The following NAV3 variants were observed in gnomAD, a reference collection of about 807,000 sequenced individuals.
NAV3 encodes the protein pore membrane and/or filament interacting like protein 1.
A neutral mutation model predicts 244.7 loss-of-function variants in NAV3; 87 were observed. The observed-to-expected ratio is 0.36, with a 90% CI of 0.30 to 0.42. The LOEUF (loss-of-function observed/expected upper bound fraction) is 0.42. Among genes scored for constraint, NAV3 ranks in the 20% least tolerant of loss-of-function variants. The pLI is 1.00. For missense variants in NAV3, 2,663 were observed against 2,893.3 expected, an observed-to-expected ratio of 0.92 and a Z score of 1.83; for synonymous variants, 1,126 against 1,042.2, an observed-to-expected ratio of 1.08 and a Z score of -1.55.
In NAV3 at chr12:78,046,882, C is replaced by T. The variant is rs145278451; in HGVS notation, c.2024-3111C>T. On this transcript the variant is annotated intron_variant, in intron 9 of 39. Coordinates refer to ENST00000397909, the MANE Select transcript of NAV3 (RefSeq NM_001024383.2). ...TGGGAGTCCAAGTCTCTTTGTAGGT[C>T]TCTAAGAACTTGCTTTATGAATCTG... Among the ~76,000 whole-genome samples, 518 of 152,242 alleles carry T rather than the reference C, an allele frequency of 3.4e-3. 2 individuals are homozygous for T. Among genetic ancestry groups the T allele is most frequent in the African/African-American group, 0.012 (493 of 41,558 alleles).
At chr12:77,880,422 G>T (rs918550415) in intron 1 of NAV3, among the ~76,000 whole-genome samples, 1 of 152,098 alleles carries the variant, frequency 6.6e-6, no homozygotes, top group East Asian at 1.9e-4. Flanking sequence ...CTGCAAGTAA[G>T]CAGAAATCCT....
At chr12:77,605,283 TATTATA>T (rs1314393564) in intron 2 of NAV3, among the ~76,000 whole-genome samples, 8 of 152,126 alleles carry the variant, frequency 5.3e-5, no homozygotes, top group Non-Finnish European at 1.2e-4. Context: ...GTATTATAGG[TATTATA>T]ATTATGAGAA....
chr12:78,197,035 T>C (rs1414267194), intron 34 of NAV3, among the ~76,000 whole-genome samples: 1 of 151,976 alleles, frequency 6.6e-6, no homozygotes, highest in East Asian at 1.9e-4. Context: ...CTTCTATTGC[T>C]TTCCTTTTTC....
intron 2 of NAV3, among the ~76,000 whole-genome samples, chr12:77,682,900 T>C (rs1437883685): frequency 6.6e-6 from 1 of 152,116 alleles, no homozygotes; most frequent in East Asian, 1.9e-4. Context: ...TTATATAATA[T>C]ATTTTGGATG....
chr12:78,025,271 G>A (rs908607044), intron 9 of NAV3, among the ~76,000 whole-genome samples: 3 of 151,724 alleles, frequency 2.0e-5, no homozygotes, highest in African/African-American at 7.3e-5. Flanking sequence ...TTTGGATACA[G>A]TTTATTTGGT....
intron 6 of NAV3, among the ~76,000 whole-genome samples, chr12:77,995,533 A>G (rs1340676057): frequency 1.3e-5 from 2 of 152,182 alleles, no homozygotes; most frequent in Non-Finnish European, 2.9e-5. Context: ...AAAGAGTTTT[A>G]TACCTCTGAT....
chr12:78,136,264 C>A (rs558970807), intron 18 of NAV3, among the ~76,000 whole-genome samples: 3 of 152,280 alleles, frequency 2.0e-5, no homozygotes, highest in African/African-American at 4.8e-5. Flanking sequence ...TCTCATATAC[C>A]AGTAACAAAC....
chr12:78,195,240 C>T (rs1959152058), intron 34 of NAV3, among the ~76,000 whole-genome samples: 1 of 151,934 alleles, frequency 6.6e-6, no homozygotes, highest in Non-Finnish European at 1.5e-5. Flanking sequence ...TTTATTGCCA[C>T]CACCAGTAGC....
intron 2 of NAV3, among the ~76,000 whole-genome samples, chr12:77,818,445 C>T (rs1872604447): frequency 6.6e-6 from 1 of 152,068 alleles, no homozygotes; most frequent in African/African-American, 2.4e-5. Flanking sequence ...GAATCCATCC[C>T]ATCACGTTAG....
rs548495062 is a variant in NAV3 at position 77,955,947 on chromosome 12, A to G, written c.415-10282A>G. 8.5e-5 allele frequency among the ~76,000 whole-genome samples: 13 copies of G among 152,260 alleles called. No homozygotes were observed. In the South Asian group the frequency reaches 2.3e-3, roughly 27 times the overall value. ...TTCTAGGAGTCTGTGTTTCTGTGTC[A>G]TAATATTTATTGCATTAAATTGGAA... On this transcript the variant is annotated intron_variant, in intron 3 of 39. Transcript: ENST00000397909.
chr12:78,150,629 C>CCA (rs765969323), intron 22 of NAV3, among the ~76,000 whole-genome samples: 24,470 of 122,426 alleles, frequency 0.2, 2,146 homozygotes, highest in Middle Eastern at 0.29. Context: ...GCAAAAGCTT[C>CCA]CTCACACACA....
chr12:77,944,087 A>T (rs757146443), intron 3 of NAV3, among the ~76,000 whole-genome samples: 3 of 152,168 alleles, frequency 2.0e-5, no homozygotes, highest in Non-Finnish European at 4.4e-5. Context: ...CAACAGTTAC[A>T]TAGGCGAGAA....
intron 2 of NAV3, among the ~76,000 whole-genome samples, chr12:77,769,346 A>G (rs1184943156): frequency 6.6e-6 from 1 of 152,204 alleles, no homozygotes; most frequent in Non-Finnish European, 1.5e-5. Context: ...ACATATGTAA[A>G]ATGCCCATTT....
chr12:77,576,977 G>A (rs78808483), intron 2 of NAV3, among the ~76,000 whole-genome samples: 1 of 152,090 alleles, frequency 6.6e-6, no homozygotes, highest in Non-Finnish European at 1.5e-5. Flanking sequence ...CACGGCTCTA[G>A]TAAGAATGAA....
intron 16 of NAV3, among the ~76,000 whole-genome samples, chr12:78,125,589 C>G (rs933356382): frequency 3.3e-5 from 5 of 152,166 alleles, no homozygotes; most frequent in African/African-American, 9.7e-5. Flanking sequence ...CTTGACATTT[C>G]TGCCTAGAAA....
chr12:77,576,644 A>C (rs1255277414), intron 2 of NAV3, among the ~76,000 whole-genome samples: 2 of 152,114 alleles, frequency 1.3e-5, no homozygotes, highest in Non-Finnish European at 2.9e-5. Flanking sequence ...ATCATATACA[A>C]GTCAAAAAGT....
chr12:77,873,529 A>G (rs1005485210), intron 1 of NAV3, among the ~76,000 whole-genome samples: 2 of 151,412 alleles, frequency 1.3e-5, no homozygotes, highest in Non-Finnish European at 3.0e-5. Flanking sequence ...TCTAATATTT[A>G]GCATTTCTGT....
intron 1 of NAV3, among the ~76,000 whole-genome samples, chr12:77,860,921 C>A (rs1289306328): frequency 6.6e-6 from 1 of 151,828 alleles, no homozygotes; most frequent in African/African-American, 2.4e-5. Context: ...ATCAATTTGG[C>A]CTGAATTACT....
chr12:78,124,546 C>T (rs889071507), intron 16 of NAV3, among the ~76,000 whole-genome samples: 3 of 152,194 alleles, frequency 2.0e-5, no homozygotes, highest in African/African-American at 4.8e-5. Context: ...CTCTGCTTCC[C>T]GAGTTCAAGC....
Sources: gnomAD v4.1 joint callset for allele counts (sites outside exome capture counted in the v4.1 genomes callset) on GRCh38, gnomAD v4.1.1 for gene constraint, MANE v1.5 for transcripts, NCBI Gene and HGNC (gene_info 2026-07-23, HGNC 2026-07-21) for gene names.